MIDEAS: variants seen among roughly 807,000 people sequenced by gnomAD.
The protein encoded by MIDEAS is mitotic deacetylase associated SANT domain protein.
Under a neutral mutation model 102.7 loss-of-function variants are expected in MIDEAS, and 26 were observed. The ratio of observed to expected loss-of-function variants is 0.25; its 90% confidence interval spans 0.19 to 0.35. The LOEUF (loss-of-function observed/expected upper bound fraction) is 0.35, where lower values mean the gene tolerates loss of function less well. Ranked by LOEUF, MIDEAS falls within the 10% of genes least tolerant of loss-of-function variation. The pLI is 1.00. For missense variants in MIDEAS, 1,231 were observed against 1,435.6 expected, an observed-to-expected ratio of 0.86 and a Z score of 2.30; for synonymous variants, 585 against 591.0, an observed-to-expected ratio of 0.99 and a Z score of 0.15.
upstream of MIDEAS, among the ~76,000 whole-genome samples, chr14:73,764,368 A>AAAC (rs2053577603): frequency 1.3e-4 from 19 of 150,414 alleles, no homozygotes; most frequent in African/African-American, 4.7e-4. Context: ...AAAAAACAAA[A>AAAC]CAAAACAAAA....
At chr14:73,744,672 C>T (rs2053327924) in intron 1 of MIDEAS, among the ~76,000 whole-genome samples, 1 of 151,714 alleles carries the variant, frequency 6.6e-6, no homozygotes. Flanking sequence ...CCACAAGTCC[C>T]TGCAGACCTT....
intron 1 of MIDEAS, among the ~76,000 whole-genome samples, chr14:73,781,468 C>T (rs1304858571): frequency 6.6e-6 from 1 of 152,206 alleles, no homozygotes. Flanking sequence ...GCCGCGGTGG[C>T]TCATGCCTGT....
chr14:73,741,367 T>C (rs942684842), intron 1 of MIDEAS, among the ~76,000 whole-genome samples: 1 of 152,186 alleles, frequency 6.6e-6, no homozygotes, highest in Non-Finnish European at 1.5e-5. Flanking sequence ...GGGTTTTGTT[T>C]TTTTCCTGGG....
At chr14:73,764,426 T>TA (rs1450222895), upstream of MIDEAS, among the ~76,000 whole-genome samples, 1 of 149,768 alleles carries the variant, frequency 6.7e-6, no homozygotes, top group Non-Finnish European at 1.5e-5. Context: ...GGGCCTCAGG[T>TA]AACCCTCTCA....
At position 73,718,936 on chromosome 14, in the gene MIDEAS, C is replaced by A. The variant is rs1361883898; in HGVS notation, c.3207G>T (p.Ala1069=). Residue 1069 remains alanine, a synonymous_variant, in exon 13 of 13, where the codon GCG becomes GCT. Coordinates refer to ENST00000423556, the MANE Select transcript of MIDEAS (RefSeq NM_001367710.1). ...CGGCCTCTTTCTCCTTCAGCCTCAG[C>A]GCTGCAGCCTTCTTCTCCTGCTCTG... The part of the protein sequence containing the change: ...SHAEQEKKAA[A]LRLKEKEAAA... The A allele has an allele frequency of 2.6e-6, 4 of 1,526,292 alleles. No individual in the cohort carries two copies. The highest frequency in any genetic ancestry group is 2.6e-6 in the Non-Finnish European group (3 of 1,143,398). 94.5% of individuals were successfully genotyped at this position (1,526,292 alleles called of 1,614,324 possible).
At chr14:73,754,126 T>G (rs2053453852) in intron 1 of MIDEAS, among the ~76,000 whole-genome samples, 1 of 152,216 alleles carries the variant, frequency 6.6e-6, no homozygotes, top group Non-Finnish European at 1.5e-5. Flanking sequence ...TGGTTATTTT[T>G]GGCGCCTCTT....
upstream of MIDEAS, among the ~76,000 whole-genome samples, chr14:73,762,874 T>G (rs2053565279): frequency 6.6e-6 from 1 of 151,948 alleles, no homozygotes; most frequent in South Asian, 2.1e-4. Flanking sequence ...AGAGAAACAC[T>G]CCAGGAAATA....
intron 9 of MIDEAS, chr14:73,724,396 G>A (rs946121524): frequency 6.6e-6 from 1 of 152,192 alleles, no homozygotes; most frequent in African/African-American, 2.4e-5. Flanking sequence ...CACATTTACT[G>A]TCAATTCTCT....
intron 10 of MIDEAS, 125 bp from the exon 11 acceptor site, chr14:73,721,634 A>T (rs998956099): frequency 1.1e-5 from 9 of 799,124 alleles, no homozygotes; most frequent in Non-Finnish European, 1.9e-5. Flanking sequence ...GGCCCAGCAT[A>T]GTCTTCTGTA....
intron 1 of MIDEAS, among the ~76,000 whole-genome samples, chr14:73,745,851 T>A (rs2053344687): frequency 6.6e-6 from 1 of 152,230 alleles, no homozygotes; most frequent in Non-Finnish European, 1.5e-5. Context: ...TCATTTTCCC[T>A]GGGAGCATGA....
intron 1 of MIDEAS, among the ~76,000 whole-genome samples, chr14:73,773,725 T>C (rs369289540): frequency 2.0e-4 from 31 of 151,816 alleles, no homozygotes; most frequent in African/African-American, 7.2e-4. Context: ...AAGAAAAGTC[T>C]TTAAAGAAAG....
intron 1 of MIDEAS, among the ~76,000 whole-genome samples, chr14:73,771,293 C>A (rs2050711282): frequency 6.6e-6 from 1 of 152,228 alleles, no homozygotes; most frequent in South Asian, 2.1e-4. Flanking sequence ...AGGGCCCCAG[C>A]TGGGTCTGGG....
chr14:73,761,129 G>A (rs532474177), upstream of MIDEAS, among the ~76,000 whole-genome samples: 6 of 152,262 alleles, frequency 3.9e-5, no homozygotes, highest in Admixed American at 1.3e-4. Context: ...TGTTTTTCAA[G>A]GAGATGGGTC....
At chr14:73,764,098 G>C (rs1424586333), upstream of MIDEAS, among the ~76,000 whole-genome samples, 1 of 152,104 alleles carries the variant, frequency 6.6e-6, no homozygotes, top group African/African-American at 2.4e-5. Context: ...CTAGCACTTT[G>C]GGAGGCCAAA....
At chr14:73,772,394 T>C (rs1478212640) in intron 1 of MIDEAS, among the ~76,000 whole-genome samples, 1 of 152,258 alleles carries the variant, frequency 6.6e-6, no homozygotes. Context: ...ATTTTTACTA[T>C]GGGCAGTGTA....
At chr14:73,772,970 C>T (rs975487655) in intron 1 of MIDEAS, among the ~76,000 whole-genome samples, 5 of 151,984 alleles carry the variant, frequency 3.3e-5, no homozygotes, top group Admixed American at 3.3e-4. Flanking sequence ...TCCCGAGTAG[C>T]TAGGGTTACA....
intron 1 of MIDEAS, among the ~76,000 whole-genome samples, chr14:73,758,576 G>A (rs763346706): frequency 2.1e-4 from 32 of 152,338 alleles, no homozygotes; most frequent in Non-Finnish European, 4.3e-4. Context: ...CGGGGCCTCC[G>A]TGGCCAGCCT....
chr14:73,780,040 T>G (rs1472369313), intron 1 of MIDEAS, among the ~76,000 whole-genome samples: 1 of 147,254 alleles, frequency 6.8e-6, no homozygotes, highest in African/African-American at 2.5e-5. Context: ...GCCCAGCTAA[T>G]TTTTTTGTAT....
intron 1 of MIDEAS, among the ~76,000 whole-genome samples, chr14:73,747,951 ACCACG>A (rs1403737545): frequency 6.6e-6 from 1 of 152,188 alleles, no homozygotes; most frequent in Non-Finnish European, 1.5e-5. Flanking sequence ...TGTGGCTCTT[ACCACG>A]CCTGGGACCC....
Sources: allele counts gnomAD v4.1 joint callset (sites outside exome capture counted in the v4.1 genomes callset), GRCh38; gene constraint gnomAD v4.1.1; transcripts MANE v1.5; gene names NCBI Gene and HGNC (gene_info 2026-07-23, HGNC 2026-07-21).